The following CACNA1A variants were observed in gnomAD, a reference collection of about 807,000 sequenced individuals.
The protein encoded by CACNA1A is calcium voltage-gated channel subunit alpha1 A.
In CACNA1A, 57 loss-of-function variants were observed where a neutral mutation model predicts 262.4. The ratio of observed to expected loss-of-function variants is 0.22; its 90% CI spans 0.18 to 0.27. The LOEUF (loss-of-function observed/expected upper bound fraction) is 0.27. Ranked by LOEUF, CACNA1A falls within the 10% of genes least tolerant of loss-of-function variation. The pLI is 1.00. For missense variants in CACNA1A, 2,526 were observed against 3,562.8 expected, an observed-to-expected ratio of 0.71 and a Z score of 7.41; for synonymous variants, 1,431 against 1,419.3, an observed-to-expected ratio of 1.01 and a Z score of -0.18.
chr19:13,394,829 C>T (rs570687581), intron 3 of CACNA1A, among the ~76,000 whole-genome samples: 3 of 152,162 alleles, frequency 2.0e-5, no homozygotes, highest in African/African-American at 7.2e-5. Context: ...GTCCCATTCT[C>T]CCCTGGGGCT....
intron 3 of CACNA1A, among the ~76,000 whole-genome samples, chr19:13,412,494 T>TC (rs2060129406): frequency 6.6e-6 from 1 of 151,914 alleles, no homozygotes. Context: ...TTTTTTTTTT[T>TC]TGAGATGGAG....
chr19:13,232,485 A>G (rs750748404), intron 34 of CACNA1A, among the ~76,000 whole-genome samples: 1 of 152,016 alleles, frequency 6.6e-6, no homozygotes, highest in African/African-American at 2.4e-5. Context: ...TAATCCCAGC[A>G]CTTTGGGAGG....
At chr19:13,482,755 C>T (rs1235737515) in intron 1 of CACNA1A, among the ~76,000 whole-genome samples, 1 of 152,094 alleles carries the variant, frequency 6.6e-6, no homozygotes, top group Admixed American at 6.6e-5. Flanking sequence ...TCCCAGCCCT[C>T]TGGCTTTGGA....
intron 19 of CACNA1A, among the ~76,000 whole-genome samples, chr19:13,289,230 C>T (rs1281569110): frequency 3.3e-5 from 5 of 151,678 alleles, no homozygotes; most frequent in African/African-American, 4.9e-5. Context: ...TAATCGCCAC[C>T]TCCCAGGCTC....
Position 13,207,940 on chromosome 19 carries a change from G to A in CACNA1A, c.6894C>T (p.Ser2298=). ...CGGCCTTACGGATCACAGGGGAATAGGACACGTGTGGCCGGGGGGTGGAGG... is the reference window on the plus strand; with the variant it reads ...CGGCCTTACGGATCACAGGGGAATAAGACACGTGTGGCCGGGGGGTGGAGG... The part of the protein sequence containing the change: ...QTPSTPRPHV[S]YSPVIRKAGG... The change falls in exon 47 of 47, where the codon TCC becomes TCT. Residue 2298 remains serine (S), a synonymous_variant. Transcript: ENST00000360228. The surrounding 1 kb of genome is among the most constrained non-coding windows in gnomAD (Gnocchi z 5.7). 3 of 1,410,276 alleles carry A rather than the reference G, an allele frequency of 2.1e-6. No homozygotes were observed. The highest frequency in any genetic ancestry group is 1.6e-5 in the South Asian group (1 of 63,026). 87.4% of individuals were successfully genotyped at this position (1,410,276 alleles called of 1,614,324 possible). A position where few individuals can be genotyped will look rare whatever the true frequency, so the allele number is the denominator to read the frequency against.
chr19:13,264,103 A>G (rs986138455), intron 24 of CACNA1A, among the ~76,000 whole-genome samples: 2 of 152,062 alleles, frequency 1.3e-5, no homozygotes, highest in Non-Finnish European at 2.9e-5. Context: ...GGTCTGTTGG[A>G]ACTGAGCTTA....
In CACNA1A at chr19:13,208,029, G is replaced by A; in HGVS notation, c.6805C>T (p.Pro2269Ser). 1 of 1,305,372 alleles carries A rather than the reference G, an allele frequency of 7.7e-7. No individual in the cohort carries two copies. The highest frequency in any genetic ancestry group is 9.7e-7 in the Non-Finnish European group (1 of 1,031,474). 80.9% of individuals were successfully genotyped at this position (1,305,372 alleles called of 1,614,324 possible). A position where few individuals can be genotyped will look rare whatever the true frequency, so the allele number is the denominator to read the frequency against. The stretch of plus-strand genomic sequence containing the variant: ...CTGGTACCAGATGTTGAGGGGGCTG[G>A]GCTTCCACTTACGGAACTACTGCCC... ...RQGSSSVSGS[P>S]APSTSGTSTP... Residue 2269 changes from proline (P) to serine (S), a missense_variant, in exon 47 of 47, where the codon CCA (proline) becomes TCA (serine). Pro to Ser is a moderately conservative substitution (Grantham distance 74, BLOSUM62 -1). This residue lies in a region of CACNA1A where 929 missense variants were observed against 868.1 expected (regional missense o/e 1.07). Transcript: ENST00000360228.
chr19:13,427,167 C>G (rs1311790780), intron 3 of CACNA1A, among the ~76,000 whole-genome samples: 3 of 152,006 alleles, frequency 2.0e-5, no homozygotes, highest in East Asian at 1.9e-4. Flanking sequence ...GTGGTCCCCC[C>G]CAGGGCATGC....
intron 4 of CACNA1A, chr19:13,370,895 T>C (rs1332720270): frequency 6.6e-6 from 1 of 152,130 alleles, no homozygotes; most frequent in Non-Finnish European, 1.5e-5. Context: ...AAATTATTAT[T>C]ATTAACCAAG....
At chr19:13,413,358 G>A (rs926170119) in intron 3 of CACNA1A, among the ~76,000 whole-genome samples, 12 of 151,158 alleles carry the variant, frequency 7.9e-5, no homozygotes, top group African/African-American at 2.9e-4. Context: ...CGCCCGCCTT[G>A]GCCTCCCAAA....
Position 13,241,549 on chromosome 19 carries a change from AG to A in CACNA1A, c.4950+3632del. 9 of 282,490 alleles carry A rather than the reference AG, an allele frequency of 3.2e-5. No individual in the cohort carries two copies. Among genetic ancestry groups the A allele is most frequent in the Non-Finnish European group, 5.6e-5 (9 of 159,500 alleles). The allele number at this position is 282,490 out of a possible 1,614,324, so 17.5% of individuals were successfully genotyped here. ...ATTCTAGATGCAGATGTTGAAGATG[AG>A]GGGGAGCGGGCGGGCGGGGGCAGTT... On this transcript the variant is annotated intron_variant, in intron 31 of 46. Transcript: ENST00000360228. This position sits in a 1 kb window ranked among gnomAD's most constrained non-coding sequence, Gnocchi z 4.0.
intron 38 of CACNA1A, among the ~76,000 whole-genome samples, chr19:13,223,589 G>A (rs1298009867): frequency 6.6e-6 from 1 of 152,148 alleles, no homozygotes; most frequent in South Asian, 2.1e-4. Context: ...TGGCCGGAGG[G>A]AACCTGTTCA....
In CACNA1A at chr19:13,283,308, C is replaced by T; in HGVS notation, c.3781G>A (p.Ala1261Thr). ...TTGGGCTGCACAGGGTCCTCGGCGGCCAGGGCGATGCTGCTCATGGCAATG... is the reference window on the plus strand; with the variant it reads ...TTGGGCTGCACAGGGTCCTCGGCGGTCAGGGCGATGCTGCTCATGGCAATG... ...MVIAMSSIAL[A>T]AEDPVQPNAP... Residue 1261 changes from alanine (A) to threonine (T), a missense_variant, in exon 22 of 47, where the codon GCC becomes ACC. Ala to Thr is a moderately conservative substitution (Grantham distance 58). This residue lies in a region of CACNA1A where 137 missense variants were observed against 377.7 expected (regional missense o/e 0.36). Coordinates refer to ENST00000360228, the MANE Select transcript of CACNA1A (RefSeq NM_001127222.2). The T allele has an allele frequency of 1.9e-6, 3 of 1,613,954 alleles. No homozygotes were observed. The highest frequency in any genetic ancestry group is 2.2e-5 in the South Asian group (2 of 91,084).
At chr19:13,393,771 CTCCCTCCCTCCTTCCTTCCTTCCT>C (rs1568602677) in intron 3 of CACNA1A, among the ~76,000 whole-genome samples, 1 of 74,998 alleles carries the variant, frequency 1.3e-5, no homozygotes, top group African/African-American at 3.7e-5. Context: ...CCTTCCCTCC[CTCCCTCCCTCCTTCCTTCCTTCCT>C]TCCCTCCCTC....
intron 3 of CACNA1A, among the ~76,000 whole-genome samples, chr19:13,393,177 C>T (rs2059740317): frequency 6.6e-6 from 1 of 152,206 alleles, no homozygotes; most frequent in Non-Finnish European, 1.5e-5. Context: ...CACCCACAGA[C>T]ATATCTGAGT....
At chr19:13,387,973 G>T (rs1024041387) in intron 3 of CACNA1A, among the ~76,000 whole-genome samples, 5 of 152,150 alleles carry the variant, frequency 3.3e-5, no homozygotes, top group Admixed American at 2.6e-4. Flanking sequence ...GAGTGAGAAG[G>T]AGAGGAGACA....
intron 20 of CACNA1A, 27 bp downstream of exon 20, chr19:13,286,476 C>A: frequency 8.5e-7 from 1 of 1,171,088 alleles, no homozygotes. Context: ...GTCCCCTGCC[C>A]AGTGATGTGA....
At chr19:13,356,303 G>A (rs752947604) in intron 6 of CACNA1A, among the ~76,000 whole-genome samples, 5 of 152,136 alleles carry the variant, frequency 3.3e-5, no homozygotes, top group Non-Finnish European at 5.9e-5. Context: ...CTTAGTCCTC[G>A]TGCCTTGTGA....
rs1284324678 is a variant in CACNA1A, at chr19:13,299,202, G to A, written c.2431C>T (p.Leu811=). 1 of 1,612,284 alleles carries A rather than the reference G, an allele frequency of 6.2e-7. No homozygotes were observed. The highest frequency in any genetic ancestry group is 1.6e-4 in the Middle Eastern group (1 of 6,062). Residue 811 remains leucine (L), a synonymous_variant, in exon 19 of 47, where the codon CTG becomes TTG. Coordinates refer to ENST00000360228, the MANE Select transcript of CACNA1A (RefSeq NM_001127222.2). ...AAGTGCGTCTTCATGTCTGGCCGCA[G>A]GTGCCGCGTGTAGGCAGCCTTCCAG... is the stretch of plus-strand genomic sequence containing the variant. ...ERWKAAYTRH[L]RPDMKTHLDR... is the part of the protein sequence containing the mutation.
Sources: gnomAD v4.1 joint callset for allele counts (sites outside exome capture counted in the v4.1 genomes callset) on GRCh38, gnomAD v4.1.1 for gene constraint, gnomAD v4.1.1 regional missense constraint, Gnocchi (gnomAD v3.1) non-coding constraint, MANE v1.5 for transcripts, NCBI Gene and HGNC (gene_info 2026-07-23, HGNC 2026-07-21) for gene names.